The following PPARGC1A variants were observed in gnomAD, a reference collection of about 807,000 sequenced individuals.
PPARGC1A encodes PPARG coactivator 1 alpha.
In PPARGC1A, 25 loss-of-function variants were observed where a neutral mutation model predicts 88.7. That is an observed-to-expected ratio of 0.28 (90% CI 0.21 to 0.39). PPARGC1A has a LOEUF of 0.39. Ranked by LOEUF, PPARGC1A falls within the 10% of genes least tolerant of loss-of-function variation. The pLI, the probability that PPARGC1A is intolerant of heterozygous loss-of-function variation, is 1.00. For synonymous variants in PPARGC1A, 363 were observed against 355.6 expected, an observed-to-expected ratio of 1.02 and a Z score of -0.24; for missense variants, 880 against 968.7, an observed-to-expected ratio of 0.91 and a Z score of 1.22.
At chr4:23,988,813 T>C in the PPARGC1A span, among the ~76,000 whole-genome samples, 1 of 148,966 alleles carries the variant, frequency 6.7e-6, no homozygotes, top group African/African-American at 2.4e-5. Flanking sequence ...AGTATACTAT[T>C]ATACATATAT....
chr4:24,206,264 T>C, the PPARGC1A span, among the ~76,000 whole-genome samples: 1 of 152,320 alleles, frequency 6.6e-6, no homozygotes, highest in East Asian at 1.9e-4. Context: ...CTAAAACAAG[T>C]ACCCGGACCA....
chr4:23,926,196 C>T, the PPARGC1A span, among the ~76,000 whole-genome samples: 1 of 152,154 alleles, frequency 6.6e-6, no homozygotes, highest in African/African-American at 2.4e-5. Flanking sequence ...GTCTCCAGCC[C>T]AGATTGTCCC....
At chr4:23,832,139 A>C (rs955026765) in intron 2 of PPARGC1A, among the ~76,000 whole-genome samples, 1 of 152,158 alleles carries the variant, frequency 6.6e-6, no homozygotes, top group African/African-American at 2.4e-5. Flanking sequence ...TTTCATTTTC[A>C]GATATAGTGT....
chr4:24,211,149 A>G, the PPARGC1A span, among the ~76,000 whole-genome samples: 1 of 152,202 alleles, frequency 6.6e-6, no homozygotes, highest in Non-Finnish European at 1.5e-5. Flanking sequence ...TAGCACGTGC[A>G]TGGCTCATAG....
the PPARGC1A span, among the ~76,000 whole-genome samples, chr4:23,966,240 G>A: frequency 6.6e-6 from 1 of 152,170 alleles, no homozygotes; most frequent in Non-Finnish European, 1.5e-5. Context: ...TTTCCTCGGA[G>A]AGGTCATTTC....
the PPARGC1A span, among the ~76,000 whole-genome samples, chr4:24,181,353 A>C: frequency 6.6e-6 from 1 of 152,140 alleles, no homozygotes. Flanking sequence ...TCATATTATT[A>C]GTCATTTAGT....
the PPARGC1A span, among the ~76,000 whole-genome samples, chr4:24,208,321 C>A: frequency 6.6e-6 from 1 of 151,678 alleles, no homozygotes; most frequent in Non-Finnish European, 1.5e-5. Context: ...TGGAAGGAGG[C>A]AGGGAGGGAG....
At chr4:23,878,472 C>T (rs551783205) in intron 2 of PPARGC1A, among the ~76,000 whole-genome samples, 2 of 152,086 alleles carry the variant, frequency 1.3e-5, no homozygotes, top group East Asian at 1.9e-4. Context: ...CTGTGAGTTG[C>T]TATTTATTAG....
At chr4:24,438,201 G>C in the PPARGC1A span, among the ~76,000 whole-genome samples, 1 of 152,192 alleles carries the variant, frequency 6.6e-6, no homozygotes, top group African/African-American at 2.4e-5. Context: ...GGAGGAACAG[G>C]AAAAGGGAGG....
the PPARGC1A span, among the ~76,000 whole-genome samples, chr4:24,218,343 T>C: frequency 6.6e-6 from 1 of 152,178 alleles, no homozygotes; most frequent in Non-Finnish European, 1.5e-5. Flanking sequence ...ATGGTAATGA[T>C]AGCTGCAGGA....
the PPARGC1A span, among the ~76,000 whole-genome samples, chr4:24,176,351 T>G: frequency 1.9e-4 from 29 of 152,242 alleles, no homozygotes; most frequent in African/African-American, 7.0e-4. Flanking sequence ...ATTACATGGC[T>G]TTTACTTCTT....
the PPARGC1A span, among the ~76,000 whole-genome samples, chr4:24,112,622 A>G: frequency 1.3e-3 from 194 of 152,356 alleles, 1 homozygote; most frequent in African/African-American, 4.2e-3. Context: ...GACAACATCA[A>G]TGCCATGATC....
chr4:23,832,846 G>A (rs1256195649), intron 2 of PPARGC1A, among the ~76,000 whole-genome samples: 2 of 151,810 alleles, frequency 1.3e-5, no homozygotes, highest in South Asian at 4.2e-4. Context: ...TCCTGACCTC[G>A]TGATCCACCC....
chr4:24,415,708 G>C, the PPARGC1A span, among the ~76,000 whole-genome samples: 5 of 150,060 alleles, frequency 3.3e-5, no homozygotes, highest in East Asian at 9.6e-4. Flanking sequence ...TTGAAGAACA[G>C]AGAGTTCTTA....
chr4:24,253,637 A>C, the PPARGC1A span, among the ~76,000 whole-genome samples: 1 of 152,270 alleles, frequency 6.6e-6, no homozygotes, highest in African/African-American at 2.4e-5. Flanking sequence ...CCATGGAGAC[A>C]AAAGTGAGAC....
chr4:24,397,625 C>T, the PPARGC1A span, among the ~76,000 whole-genome samples: 1 of 152,124 alleles, frequency 6.6e-6, no homozygotes, highest in East Asian at 1.9e-4. Flanking sequence ...GGATGACTAG[C>T]GCTCCAGCAG....
intron 2 of PPARGC1A, among the ~76,000 whole-genome samples, chr4:23,878,949 A>C (rs536008596): frequency 9.8e-4 from 149 of 152,324 alleles, no homozygotes; most frequent in African/African-American, 3.3e-3. Flanking sequence ...TCTCCACTTA[A>C]ATGGCTATTA....
At chr4:24,450,518 G>A in the PPARGC1A span, among the ~76,000 whole-genome samples, 1 of 152,064 alleles carries the variant, frequency 6.6e-6, no homozygotes, top group East Asian at 1.9e-4. Flanking sequence ...AAACTTTAAA[G>A]CAATATAGAA....
chr4:24,454,006 C>A, the PPARGC1A span, among the ~76,000 whole-genome samples: 2 of 151,960 alleles, frequency 1.3e-5, no homozygotes, highest in Admixed American at 6.5e-5. Flanking sequence ...GGCCTCAAGA[C>A]GCCTTGCAAG....
Sources: gnomAD v4.1 joint callset for allele counts (sites outside exome capture counted in the v4.1 genomes callset) on GRCh38, gnomAD v4.1.1 for gene constraint, MANE v1.5 for transcripts, NCBI Gene and HGNC (gene_info 2026-07-23, HGNC 2026-07-21) for gene names.